The following FAM171A1 variants were observed in gnomAD, a reference collection of about 807,000 sequenced individuals.
FAM171A1 encodes family with sequence similarity 171 member A1.
In FAM171A1, 23 loss-of-function variants were observed where a neutral mutation model predicts 74.9. The ratio of observed to expected loss-of-function variants is 0.31; its 90% CI spans 0.22 to 0.44. FAM171A1 has a LOEUF of 0.44. FAM171A1 is among the 20% of genes least tolerant of loss of function. The pLI is 1.00. For synonymous variants in FAM171A1, 527 were observed against 505.7 expected, an observed-to-expected ratio of 1.04 and a Z score of -0.57; for missense variants, 1,162 against 1,159.2, an observed-to-expected ratio of 1.00 and a Z score of -0.03.
intron 5 of FAM171A1, among the ~76,000 whole-genome samples, chr10:15,232,644 G>T (rs1016946824): frequency 1.3e-5 from 2 of 152,130 alleles, no homozygotes; most frequent in African/African-American, 4.8e-5. Flanking sequence ...CAAACGAACT[G>T]TATGGACCAA....
At chr10:15,234,448 C>T (rs907479754) in intron 5 of FAM171A1, among the ~76,000 whole-genome samples, 13 of 152,186 alleles carry the variant, frequency 8.5e-5, no homozygotes, top group South Asian at 4.2e-4. Flanking sequence ...TTATTTTAAA[C>T]GAGAGTACAC....
At chr10:15,249,520 G>A (rs1290879991) in intron 4 of FAM171A1, among the ~76,000 whole-genome samples, 1 of 152,220 alleles carries the variant, frequency 6.6e-6, no homozygotes, top group Non-Finnish European at 1.5e-5. Flanking sequence ...TTTACACAAA[G>A]TGAGCCCCAT....
chr10:15,268,421 G>A (rs906797989), intron 3 of FAM171A1, among the ~76,000 whole-genome samples: 1 of 152,134 alleles, frequency 6.6e-6, no homozygotes, highest in African/African-American at 2.4e-5. Flanking sequence ...GAGATTCGAG[G>A]AGAGAAGAAT....
chr10:15,219,025 G>A (rs900102102), intron 6 of FAM171A1, among the ~76,000 whole-genome samples: 2 of 152,010 alleles, frequency 1.3e-5, no homozygotes, highest in Admixed American at 1.3e-4. Flanking sequence ...GCTCATGCCT[G>A]TAATTTCAGC....
intron 3 of FAM171A1, among the ~76,000 whole-genome samples, chr10:15,265,661 T>G (rs1235471610): frequency 1.3e-5 from 2 of 151,816 alleles, no homozygotes; most frequent in Non-Finnish European, 2.9e-5. Flanking sequence ...ATTTTGATTT[T>G]TTTTTTTGTA....
At chr10:15,316,365 G>C (rs905480278) in intron 1 of FAM171A1, among the ~76,000 whole-genome samples, 2 of 152,180 alleles carry the variant, frequency 1.3e-5, no homozygotes, top group African/African-American at 4.8e-5. Context: ...CCCTCACCAG[G>C]CCATTCCTGC....
intron 1 of FAM171A1, among the ~76,000 whole-genome samples, chr10:15,339,932 T>C (rs1835746991): frequency 6.6e-6 from 1 of 152,092 alleles, no homozygotes; most frequent in Non-Finnish European, 1.5e-5. Flanking sequence ...CAAAAGGGGT[T>C]TCTCCTTATA....
chr10:15,327,038 C>A (rs1343813303), intron 1 of FAM171A1, among the ~76,000 whole-genome samples: 1 of 152,186 alleles, frequency 6.6e-6, no homozygotes, highest in Non-Finnish European at 1.5e-5. Context: ...TTTCCTCCCT[C>A]AAGTACTGAT....
rs113208167 is a variant in FAM171A1, at chr10:15,213,223, C to G, written c.2365G>C (p.Val789Leu). The G allele has an allele frequency of 6.8e-6, 11 of 1,614,136 alleles. No homozygotes were observed. The highest frequency in any genetic ancestry group is 9.3e-6 in the Non-Finnish European group (11 of 1,180,036). ...CTCTGTTCCACGTCATCCAGGTACA[C>G]GAGCTGCGTGTAGGCCGTGCTGTCT... The part of the protein sequence containing the change: ...APDSTAYTQL[V>L]YLDDVEQSGS... The change falls in exon 8 of 8, where the codon GTG becomes CTG. Residue 789 changes from valine to leucine, a missense_variant. Coordinates refer to ENST00000378116, the MANE Select transcript of FAM171A1 (RefSeq NM_001010924.2). The surrounding 1 kb of genome is among the most constrained non-coding windows in gnomAD (Gnocchi z 6.8).
intron 1 of FAM171A1, among the ~76,000 whole-genome samples, chr10:15,348,661 G>A (rs1330356969): frequency 2.6e-5 from 4 of 152,146 alleles, no homozygotes; most frequent in African/African-American, 7.2e-5. Context: ...CAGCCTCACG[G>A]AAGAGCTTGT....
At chr10:15,269,176 C>T (rs916018388) in intron 3 of FAM171A1, among the ~76,000 whole-genome samples, 3 of 152,110 alleles carry the variant, frequency 2.0e-5, no homozygotes, top group Non-Finnish European at 2.9e-5. Context: ...TGCAGTGATA[C>T]GATCACGGTT....
intron 1 of FAM171A1, among the ~76,000 whole-genome samples, chr10:15,338,391 G>C (rs1835727987): frequency 6.6e-6 from 1 of 152,100 alleles, no homozygotes; most frequent in Admixed American, 6.5e-5. Context: ...AATTAATAAA[G>C]GAAACAGCAA....
At chr10:15,370,667 G>A (rs2131898797) in intron 1 of FAM171A1, among the ~76,000 whole-genome samples, 1 of 151,188 alleles carries the variant, frequency 6.6e-6, no homozygotes, top group African/African-American at 2.4e-5. Context: ...GCATCCAGAC[G>A]AGCCCCCGCC....
chr10:15,324,726 G>C (rs2131851483), intron 1 of FAM171A1, among the ~76,000 whole-genome samples: 1 of 151,228 alleles, frequency 6.6e-6, no homozygotes, highest in East Asian at 1.9e-4. Flanking sequence ...TTAGTTTCAA[G>C]AGTGAGGGGG....
chr10:15,313,688 G>A (rs1336322557), intron 1 of FAM171A1, among the ~76,000 whole-genome samples: 3 of 152,182 alleles, frequency 2.0e-5, no homozygotes, highest in Non-Finnish European at 4.4e-5. Context: ...CAAGGAAAAT[G>A]AAGGTGCATA....
chr10:15,277,797 C>T (rs956003224), intron 2 of FAM171A1, among the ~76,000 whole-genome samples: 1 of 151,896 alleles, frequency 6.6e-6, no homozygotes. Context: ...GCTCTTGCTA[C>T]CCAGGCTGGA....
intron 1 of FAM171A1, among the ~76,000 whole-genome samples, chr10:15,302,034 G>A (rs78931786): frequency 0.012 from 1,836 of 152,204 alleles, 35 homozygotes; most frequent in African/African-American, 0.042. Context: ...TAATGAAGTG[G>A]GTTTTCAAAT....
chr10:15,263,638 T>G (rs1486227712), intron 3 of FAM171A1, among the ~76,000 whole-genome samples: 2 of 152,154 alleles, frequency 1.3e-5, no homozygotes, highest in African/African-American at 4.8e-5. Context: ...CCCCTCACCA[T>G]CCTGTTATCC....
chr10:15,267,831 C>T (rs1005142287), intron 3 of FAM171A1, among the ~76,000 whole-genome samples: 27 of 151,608 alleles, frequency 1.8e-4, no homozygotes, highest in Non-Finnish European at 3.1e-4. Flanking sequence ...CCACGACGGA[C>T]GAAGTGTGGT....
Sources: allele counts gnomAD v4.1 joint callset (sites outside exome capture counted in the v4.1 genomes callset), GRCh38; gene constraint gnomAD v4.1.1; non-coding constraint Gnocchi (gnomAD v3.1); transcripts MANE v1.5; gene names NCBI Gene and HGNC (gene_info 2026-07-23, HGNC 2026-07-21).